The following ADA2 variants were observed in gnomAD, a reference collection of about 807,000 sequenced individuals.
ADA2 encodes the protein adenosine deaminase 2.
Under a neutral mutation model 44.2 loss-of-function variants are expected in ADA2, and 29 were observed. The ratio of observed to expected loss-of-function variants is 0.66; its 90% CI spans 0.49 to 0.89. The LOEUF (loss-of-function observed/expected upper bound fraction) is 0.89, where lower values mean the gene tolerates loss of function less well. Ranked by LOEUF, ADA2 falls within the 40% of genes least tolerant of loss-of-function variation. The pLI is 0.00. For synonymous variants in ADA2, 215 were observed against 234.9 expected, an observed-to-expected ratio of 0.92 and a Z score of 0.77; for missense variants, 637 against 644.8, an observed-to-expected ratio of 0.99 and a Z score of 0.13.
At chr22:17,188,618 A>G (rs1209916655) in intron 6 of ADA2, 171 bp from the exon 7 acceptor site, 57 of 496,454 alleles carry the variant, frequency 1.1e-4, no homozygotes, top group Non-Finnish European at 1.8e-4. Context: ...GGTGGCTCAC[A>G]CCTGTAATCC....
intron 2 of ADA2, among the ~76,000 whole-genome samples, chr22:17,208,435 GAAAAAAAAAGA>G (rs915843359): frequency 1.0e-4 from 8 of 77,982 alleles, no homozygotes; most frequent in Admixed American, 4.0e-4. Context: ...AAAAAAAAAA[GAAAAAAAAAGA>G]AAAAAAAAAA....
At chr22:17,216,735 G>A (rs562192613) in intron 1 of ADA2, among the ~76,000 whole-genome samples, 8 of 148,826 alleles carry the variant, frequency 5.4e-5, no homozygotes, top group East Asian at 2.0e-4. Flanking sequence ...ACTCCAGCCC[G>A]GCAACAGAGC....
chr22:17,221,444 AC>A (rs1206551737), upstream of ADA2, among the ~76,000 whole-genome samples: 10 of 150,202 alleles, frequency 6.7e-5, no homozygotes, highest in African/African-American at 2.5e-4. Flanking sequence ...CCCAGCCCCG[AC>A]CCCCCCGACA....
chr22:17,191,773 C>G lies in ADA2; in HGVS notation c.791G>C (p.Trp264Ser), dbSNP rs587777242. 1 of 1,613,678 alleles carries G rather than the reference C, an allele frequency of 6.2e-7. No individual in the cohort carries two copies. Among genetic ancestry groups the G allele is most frequent in the Non-Finnish European group, 8.5e-7 (1 of 1,179,774 alleles). Residue 264 changes from tryptophan to serine, a missense_variant, in exon 5 of 10, where the codon TGG (tryptophan) becomes TCG (serine). Trp to Ser is a radical substitution (Grantham distance 177). Transcript: ENST00000399837. Reference sequence around the variant, plus strand: ...TACTTCCTGGTAAGTCTTCACTGACCACTCTTCGTCATGGTGCTCTCCACT... The same window carrying G: ...TACTTCCTGGTAAGTCTTCACTGACGACTCTTCGTCATGGTGCTCTCCACT... The part of the protein sequence containing the change: ...ELSGEHHDEE[W>S]SVKTYQEVAQ...
At position 17,203,614 on chromosome 22, in the gene ADA2, C is replaced by A; in HGVS notation, c.702G>T (p.Glu234Asp). Reference protein sequence around the residue: ...FRDYVFRSMQEFYEDNVLYME... With the variant: ...FRDYVFRSMQDFYEDNVLYME... ...TGTAGAGCACGTTGTCCTCGTAGAA[C>A]TCCTGCATGCTCCGGAAGACATAGT... Residue 234 changes from glutamate (E) to aspartate (D), a missense_variant, in exon 4 of 10, where the codon GAG (glutamate) becomes GAT (aspartate). Glu to Asp is a conservative substitution (Grantham distance 45). Coordinates refer to ENST00000399837, the MANE Select transcript of ADA2 (RefSeq NM_001282225.2). 6.2e-7 allele frequency: 1 copy of A among 1,613,722 alleles called. No homozygotes were observed. The highest frequency in any genetic ancestry group is 8.5e-7 in the Non-Finnish European group (1 of 1,180,008).
chr22:17,211,408 G>T (rs1197107110), intron 1 of ADA2, among the ~76,000 whole-genome samples: 1 of 151,940 alleles, frequency 6.6e-6, no homozygotes, highest in Non-Finnish European at 1.5e-5. Flanking sequence ...CACAGCAGGT[G>T]GATTGCTCAA....
At chr22:17,215,239 G>A (rs964922281) in intron 1 of ADA2, among the ~76,000 whole-genome samples, 1 of 152,218 alleles carries the variant, frequency 6.6e-6, no homozygotes, top group Non-Finnish European at 1.5e-5. Flanking sequence ...GAAAGCAGAA[G>A]CCAGTTATTT....
At chr22:17,207,371 G>A in intron 2 of ADA2, 81 bp from the exon 3 acceptor site, 1 of 1,022,944 alleles carries the variant, frequency 9.8e-7, no homozygotes, top group Non-Finnish European at 1.5e-6. Flanking sequence ...AAAGGAGGGG[G>A]TGAAGTCCCA....
At chr22:17,199,446 T>TCCCACCCCTCCTCTAACCTCTTCCCCA in intron 4 of ADA2, 2 of 917,624 alleles carry the variant, frequency 2.2e-6, no homozygotes, top group Non-Finnish European at 3.5e-6. Context: ...CCTCTTCCCC[T>TCCCACCCCTCCTCTAACCTCTTCCCCA]CCACCCACGA....
intron 5 of ADA2, 55 bp downstream of exon 5, chr22:17,191,628 C>T: frequency 1.3e-6 from 2 of 1,590,100 alleles, no homozygotes; most frequent in Non-Finnish European, 8.6e-7. Flanking sequence ...AGCCTAGTAG[C>T]TCTGCCTGCA....
chr22:17,199,431 T>TCTCTCCTCTTCCCCTCCCTCCCCTCCC, intron 4 of ADA2: 1 of 930,070 alleles, frequency 1.1e-6, no homozygotes. Context: ...CCTCCCCTCC[T>TCTCTCCTCTTCCCCTCCCTCCCCTCCC]CTATCCTCTT....
chr22:17,197,137 C>G (rs2062201829), intron 4 of ADA2, among the ~76,000 whole-genome samples: 1 of 152,210 alleles, frequency 6.6e-6, no homozygotes, highest in Non-Finnish European at 1.5e-5. Flanking sequence ...CGCACCACTG[C>G]ACTCCAGCCT....
chr22:17,199,359 A>G (rs2062239822), intron 4 of ADA2, among the ~76,000 whole-genome samples: 1 of 137,002 alleles, frequency 7.3e-6, no homozygotes, highest in African/African-American at 2.8e-5. Flanking sequence ...ACCGCTCAGC[A>G]ACTTCTCCCA....
intron 7 of ADA2, among the ~76,000 whole-genome samples, chr22:17,185,626 G>C (rs2062027516): frequency 2.0e-5 from 3 of 151,950 alleles, no homozygotes; most frequent in Admixed American, 1.3e-4. Flanking sequence ...AGCTCTTCAA[G>C]GTTAACAACA....
chr22:17,188,024 A>G (rs1176516055), intron 7 of ADA2, among the ~76,000 whole-genome samples: 1 of 151,934 alleles, frequency 6.6e-6, no homozygotes, highest in East Asian at 1.9e-4. Context: ...GACTCTCTTG[A>G]ACCTGGGAAG....
chr22:17,199,442 C>CCCCTCCCTCCCCACCTCTATCCTCTTA, intron 4 of ADA2: 1 of 1,022,718 alleles, frequency 9.8e-7, no homozygotes, highest in Non-Finnish European at 1.5e-6. Context: ...CTATCCTCTT[C>CCCCTCCCTCCCCACCTCTATCCTCTTA]CCCTCCACCC....
In ADA2 at chr22:17,203,675, A is replaced by G. The variant is rs369510859; in HGVS notation, c.641T>C (p.Ile214Thr). The change falls in exon 4 of 10, where the codon ATC becomes ACC. Residue 214 changes from isoleucine to threonine, a missense_variant. Transcript: ENST00000399837. ...TGGTGCGTAATGGATGAGACCAGAG[A>G]TGGTGAAGAAGATGGTTTCAAATTT... is the stretch of plus-strand genomic sequence containing the variant. The part of the protein sequence containing the change: ...WSKFETIFFT[I>T]SGLIHYAPVF... 8 of 1,613,860 alleles carry G rather than the reference A, an allele frequency of 5.0e-6. No homozygotes were observed. Among genetic ancestry groups the G allele is most frequent in the Non-Finnish European group, 6.8e-6 (8 of 1,179,852 alleles).
Position 17,182,675 on chromosome 22 carries a change from T to C in ADA2, c.1168A>G (p.Lys390Glu). Residue 390 changes from lysine to glutamate, a missense_variant, in exon 8 of 10, where the codon AAA (lysine) becomes GAA (glutamate). Physicochemically the swap from Lys to Glu is moderately conservative, Grantham distance 56. Transcript: ENST00000399837. ...GAGTAAGTCCTGACTGCGGGGTGTTTGCTCAAAGCAAATCCATGGCCGATT... is the reference window on the plus strand; with the variant it reads ...GAGTAAGTCCTGACTGCGGGGTGTTCGCTCAAAGCAAATCCATGGCCGATT... ...TRIGHGFALS[K>E]HPAVRTYSWK... is the part of the protein sequence containing the mutation. The C allele has an allele frequency of 1.2e-6, 2 of 1,614,132 alleles. No individual in the cohort carries two copies. Among genetic ancestry groups the C allele is most frequent in the Non-Finnish European group, 1.7e-6 (2 of 1,180,030 alleles).
intron 7 of ADA2, among the ~76,000 whole-genome samples, 186 bp downstream of exon 7, chr22:17,188,153 A>G (rs567210104): frequency 1.3e-5 from 2 of 152,230 alleles, no homozygotes; most frequent in Non-Finnish European, 2.9e-5. Context: ...TAATACATGT[A>G]AAGTGGCTGA....
Sources: allele counts gnomAD v4.1 joint callset (sites outside exome capture counted in the v4.1 genomes callset), GRCh38; gene constraint gnomAD v4.1.1; transcripts MANE v1.5; gene names NCBI Gene and HGNC (gene_info 2026-07-23, HGNC 2026-07-21).